The following MAGI2 variants were observed in gnomAD, a reference collection of about 807,000 sequenced individuals.
The protein encoded by MAGI2 is membrane associated guanylate kinase, WW and PDZ domain containing 2.
In MAGI2, 35 loss-of-function variants were observed where a neutral mutation model predicts 133.3. The observed-to-expected ratio is 0.26, with a 90% confidence interval of 0.20 to 0.35. The LOEUF (loss-of-function observed/expected upper bound fraction) is 0.35. Among genes scored for constraint, MAGI2 ranks in the 10% least tolerant of loss-of-function variants. The probability of loss-of-function intolerance (pLI) is 1.00; values close to 1 mark genes in which losing one functional copy is unlikely to be tolerated. For missense variants in MAGI2, 1,636 were observed against 1,863.4 expected, an observed-to-expected ratio of 0.88 and a Z score of 2.25; for synonymous variants, 729 against 710.6, an observed-to-expected ratio of 1.03 and a Z score of -0.41.
intron 9 of MAGI2, among the ~76,000 whole-genome samples, chr7:78,281,881 T>C (rs953477001): frequency 1.7e-5 from 2 of 116,392 alleles, no homozygotes; most frequent in African/African-American, 7.6e-5. Flanking sequence ...CAAAACTCCA[T>C]CTCAAAAAAA....
chr7:78,662,859 T>G (rs1298203917), intron 2 of MAGI2, among the ~76,000 whole-genome samples: 1 of 152,210 alleles, frequency 6.6e-6, no homozygotes, highest in Non-Finnish European at 1.5e-5. Context: ...AAAGGTTTAA[T>G]AATAATAAAT....
At chr7:79,088,618 C>A (rs1166752324) in intron 1 of MAGI2, among the ~76,000 whole-genome samples, 2 of 151,926 alleles carry the variant, frequency 1.3e-5, no homozygotes, top group African/African-American at 4.8e-5. Flanking sequence ...CCAGCTTTTG[C>A]CTATTCAGTA....
At chr7:78,629,102 C>T (rs1227826979) in intron 2 of MAGI2, among the ~76,000 whole-genome samples, 1 of 152,112 alleles carries the variant, frequency 6.6e-6, no homozygotes, top group Non-Finnish European at 1.5e-5. Flanking sequence ...TTTGGAGTAA[C>T]ATGGCTGTAC....
chr7:78,054,519 T>G (rs933127098), intron 21 of MAGI2, among the ~76,000 whole-genome samples: 1 of 152,140 alleles, frequency 6.6e-6, no homozygotes, highest in Non-Finnish European at 1.5e-5. Flanking sequence ...GACATTCTCC[T>G]TCACATGGGT....
At chr7:78,843,739 T>C (rs1350513649) in intron 2 of MAGI2, among the ~76,000 whole-genome samples, 1 of 151,252 alleles carries the variant, frequency 6.6e-6, no homozygotes, top group Non-Finnish European at 1.5e-5. Context: ...TATACTATAA[T>C]TAGGAGAGAT....
intron 1 of MAGI2, among the ~76,000 whole-genome samples, chr7:79,207,121 C>T (rs1441075103): frequency 6.6e-6 from 1 of 152,004 alleles, no homozygotes; most frequent in Middle Eastern, 3.4e-3. Context: ...AATTACTCAA[C>T]AGGGAAATGT....
intron 9 of MAGI2, among the ~76,000 whole-genome samples, chr7:78,326,768 T>A (rs1324195931): frequency 6.6e-6 from 1 of 152,226 alleles, no homozygotes; most frequent in Non-Finnish European, 1.5e-5. Context: ...TGCTATAATA[T>A]ATTCAGTCTC....
intron 21 of MAGI2, among the ~76,000 whole-genome samples, chr7:78,047,467 C>T (rs894348664): frequency 6.6e-6 from 1 of 152,194 alleles, no homozygotes; most frequent in African/African-American, 2.4e-5. Flanking sequence ...TTGTCCTAAA[C>T]CTGCTGTCTT....
intron 1 of MAGI2, among the ~76,000 whole-genome samples, chr7:79,037,117 G>A (rs1311624062): frequency 6.6e-6 from 1 of 152,054 alleles, no homozygotes. Flanking sequence ...AGAAATAAGC[G>A]AAGCAGTTTC....
At chr7:78,280,436 C>A (rs1016076069) in intron 9 of MAGI2, among the ~76,000 whole-genome samples, 1 of 152,098 alleles carries the variant, frequency 6.6e-6, no homozygotes, top group Non-Finnish European at 1.5e-5. Context: ...AAGAGACCTG[C>A]AAAACACAAG....
At chr7:78,617,657 T>TTTTAATCAAGC (rs1375471770) in intron 3 of MAGI2, 1 of 152,100 alleles carries the variant, frequency 6.6e-6, no homozygotes, top group African/African-American at 2.4e-5. Context: ...ACTTTATAAA[T>TTTTAATCAAGC]TTTAATCAAG....
intron 1 of MAGI2, among the ~76,000 whole-genome samples, chr7:79,419,807 G>T (rs1041063770): frequency 2.0e-5 from 3 of 152,014 alleles, no homozygotes; most frequent in Admixed American, 6.6e-5. Context: ...TAGACTATTT[G>T]ATTATTATGC....
intron 2 of MAGI2, among the ~76,000 whole-genome samples, chr7:78,671,643 T>G (rs1002308889): frequency 6.6e-6 from 1 of 152,122 alleles, no homozygotes; most frequent in Non-Finnish European, 1.5e-5. Flanking sequence ...GAAATGAAAG[T>G]TAACCATAAT....
intron 1 of MAGI2, among the ~76,000 whole-genome samples, chr7:79,165,647 A>G (rs1824835972): frequency 6.6e-6 from 1 of 152,074 alleles, no homozygotes; most frequent in African/African-American, 2.4e-5. Flanking sequence ...CATAATTAGC[A>G]CCCACAATTG....
chr7:78,203,918 C>A (rs753221993), intron 10 of MAGI2, among the ~76,000 whole-genome samples: 6 of 152,232 alleles, frequency 3.9e-5, no homozygotes, highest in Non-Finnish European at 7.3e-5. Flanking sequence ...CAAACTACTA[C>A]ACATTTCTTA....
intron 2 of MAGI2, among the ~76,000 whole-genome samples, chr7:78,666,505 A>C (rs1367916779): frequency 6.6e-6 from 1 of 152,186 alleles, no homozygotes; most frequent in Non-Finnish European, 1.5e-5. Context: ...AGTCTCAGCT[A>C]GATGGACCCA....
At chr7:78,510,982 T>C (rs1435421211) in intron 4 of MAGI2, among the ~76,000 whole-genome samples, 1 of 152,176 alleles carries the variant, frequency 6.6e-6, no homozygotes, top group East Asian at 1.9e-4. Flanking sequence ...TAGTGGCCAC[T>C]GTGTTGGATG....
intron 1 of MAGI2, among the ~76,000 whole-genome samples, chr7:79,216,235 G>A (rs1159084105): frequency 6.6e-6 from 1 of 151,868 alleles, no homozygotes; most frequent in Non-Finnish European, 1.5e-5. Context: ...TTATCCACTG[G>A]ATGGCCAAAC....
intron 1 of MAGI2, among the ~76,000 whole-genome samples, chr7:79,388,229 T>C (rs1844335041): frequency 6.6e-6 from 1 of 152,008 alleles, no homozygotes; most frequent in Non-Finnish European, 1.5e-5. Flanking sequence ...ACATGCCTTT[T>C]AAATCTCTGA....
Sources: gnomAD v4.1 joint callset for allele counts (sites outside exome capture counted in the v4.1 genomes callset) on GRCh38, gnomAD v4.1.1 for gene constraint, MANE v1.5 for transcripts, NCBI Gene and HGNC (gene_info 2026-07-23, HGNC 2026-07-21) for gene names.